The following SEC14L2 variants were observed in gnomAD, a reference collection of about 807,000 sequenced individuals.
The protein encoded by SEC14L2 is SEC14-like protein 2.
Under a neutral mutation model 56.9 loss-of-function variants are expected in SEC14L2, and 50 were observed. The observed-to-expected ratio is 0.88, with a 90% CI of 0.70 to 1.11. The LOEUF (loss-of-function observed/expected upper bound fraction) is 1.11, where lower values mean the gene tolerates loss of function less well. SEC14L2 is among the 50% of genes most tolerant of loss of function. The probability of loss-of-function intolerance (pLI) is 0.00; values close to 1 mark genes in which losing one functional copy is unlikely to be tolerated. For synonymous variants in SEC14L2, 179 were observed against 188.5 expected, an observed-to-expected ratio of 0.95 and a Z score of 0.41; for missense variants, 414 against 500.7, an observed-to-expected ratio of 0.83 and a Z score of 1.65.
intron 3 of SEC14L2, among the ~76,000 whole-genome samples, chr22:30,406,611 A>G (rs1934101415): frequency 6.6e-6 from 1 of 152,158 alleles, no homozygotes; most frequent in African/African-American, 2.4e-5. Flanking sequence ...TAAGACCTCT[A>G]AAACAGGCAG....
At chr22:30,417,909 T>C (rs1934427755) in intron 11 of SEC14L2, among the ~76,000 whole-genome samples, 1 of 151,966 alleles carries the variant, frequency 6.6e-6, no homozygotes, top group South Asian at 2.1e-4. Context: ...AGATGCTCTG[T>C]GGTACCATAT....
chr22:30,410,262 CA>C (rs574829034), intron 7 of SEC14L2, among the ~76,000 whole-genome samples: 29 of 152,132 alleles, frequency 1.9e-4, no homozygotes, highest in Admixed American at 5.2e-4. Flanking sequence ...GACTCTGTCT[CA>C]AAAAAATAAA....
At chr22:30,411,841 G>A (rs117348257) in intron 8 of SEC14L2, among the ~76,000 whole-genome samples, 243 of 151,358 alleles carry the variant, frequency 1.6e-3, no homozygotes, top group Non-Finnish European at 2.5e-3. Flanking sequence ...TAAATGTACA[G>A]AAGGGGAAAC....
chr22:30,422,423 C>A lies in SEC14L2; in HGVS notation c.*16C>A, dbSNP rs1475202369. ...CCCGAAATAACACCTTCTCCTATAG[C>A]AGGCCTGGCCCCCTCAGTGTCTCCC... is the stretch of plus-strand genomic sequence containing the variant. On this transcript the variant is annotated 3_prime_UTR_variant, in exon 12 of 12. Transcript: ENST00000615189. 1 of 1,613,914 alleles carries A rather than the reference C, an allele frequency of 6.2e-7. No individual in the cohort carries two copies. The highest frequency in any genetic ancestry group is 1.7e-5 in the Admixed American group (1 of 60,024).
At chr22:30,403,563 G>C (rs1389501254) in intron 2 of SEC14L2, among the ~76,000 whole-genome samples, 1 of 152,204 alleles carries the variant, frequency 6.6e-6, no homozygotes, top group Non-Finnish European at 1.5e-5. Context: ...GGAGGCCTCA[G>C]GTGTGGTACT....
Position 30,416,339 on chromosome 22 carries a change from C to T in SEC14L2, c.1017C>T (p.Asn339=), listed in dbSNP as rs1214694563. Residue 339 remains asparagine (N), a synonymous_variant, in exon 11 of 12, where the codon AAC becomes AAT. Coordinates refer to ENST00000615189, the MANE Select transcript of SEC14L2 (RefSeq NM_012429.5). ...GGGAGATGACAGAGGTGCTGCCCAACCAGAGGTACAACTCCCACCTGGTCC... is the reference window on the plus strand; with the variant it reads ...GGGAGATGACAGAGGTGCTGCCCAATCAGAGGTACAACTCCCACCTGGTCC... ...RAGEMTEVLP[N]QRYNSHLVPE... is the part of the protein sequence containing the mutation. 2.5e-6 allele frequency: 4 copies of T among 1,614,244 alleles called. No homozygotes were observed. Among genetic ancestry groups the T allele is most frequent in the Admixed American group, 1.7e-5 (1 of 60,030 alleles).
chr22:30,407,721 T>TC (rs2146021640), intron 5 of SEC14L2, 118 bp downstream of exon 5: 1 of 948,860 alleles, frequency 1.1e-6, no homozygotes, highest in East Asian at 2.9e-5. Context: ...GCCTTTTTTT[T>TC]TTTTTTTTTA....
intron 1 of SEC14L2, among the ~76,000 whole-genome samples, chr22:30,399,114 C>T (rs780174064): frequency 6.6e-5 from 10 of 152,150 alleles, no homozygotes; most frequent in Non-Finnish European, 1.3e-4. Context: ...GGGGCAGTGT[C>T]TCACTCCCTT....
chr22:30,424,583 T>C lies in SEC14L2; in HGVS notation c.*2176T>C, dbSNP rs1201469769. 1.0e-5 allele frequency: 4 copies of C among 390,210 alleles called. No homozygotes were observed. Among genetic ancestry groups the C allele is most frequent in the Non-Finnish European group, 2.0e-5 (4 of 197,694 alleles). 24.2% of individuals were successfully genotyped at this position (390,210 alleles called of 1,614,324 possible). On this transcript the variant is annotated 3_prime_UTR_variant, in exon 12 of 12. Coordinates refer to ENST00000615189, the MANE Select transcript of SEC14L2 (RefSeq NM_012429.5). ...ATTACACTTTGGGTTGTTGCAAAGA[T>C]TAAAGGAAATAAGCCGTGCAAAGCG...
At position 30,409,425 on chromosome 22, in the gene SEC14L2, GT is replaced by G. The variant is rs770281469; in HGVS notation, c.522del (p.Leu175SerfsTer12). 2.5e-6 allele frequency: 4 copies of G among 1,614,170 alleles called. No individual in the cohort carries two copies. The highest frequency in any genetic ancestry group is 3.4e-6 in the Non-Finnish European group (4 of 1,179,988). On this transcript the variant is annotated frameshift_variant and splice_region_variant, in exon 7 of 12. Coordinates refer to ENST00000615189, the MANE Select transcript of SEC14L2 (RefSeq NM_012429.5). LOFTEE classifies it high-confidence loss of function. The stretch of plus-strand genomic sequence containing the variant: ...AATCAAGAGTGATTTTGTTTCCACA[GT>G]TTCTCTGCATGTTTGAGGAAAATTA... ...WKPAVEAYGE[F>X]LCMFEENYPE... is the part of the protein sequence containing the mutation.
intron 1 of SEC14L2, chr22:30,397,756 C>T (rs1933797430): frequency 2.3e-6 from 1 of 433,060 alleles, no homozygotes; most frequent in South Asian, 1.7e-5. Context: ...CAGGCTCCCC[C>T]CATGAGGCAC....
chr22:30,407,610 G>T lies in SEC14L2; in HGVS notation c.423+7G>T, dbSNP rs767491995. On this transcript the variant is annotated splice_region_variant and intron_variant, in intron 5 of 11. Coordinates refer to ENST00000615189, the MANE Select transcript of SEC14L2 (RefSeq NM_012429.5). ...TGCCCACCAGACCACAAAGGTGAGT[G>T]GACCACCATGGCTAGAAATGAGTTG... 6.2e-7 allele frequency: 1 copy of T among 1,610,838 alleles called. No individual in the cohort carries two copies. The highest frequency in any genetic ancestry group is 1.7e-5 in the Admixed American group (1 of 59,974).
At position 30,409,427 on chromosome 22, in the gene SEC14L2, T is replaced by C. The variant is rs751420678; in HGVS notation, c.521T>C (p.Phe174Ser). 27 of 1,614,204 alleles carry C rather than the reference T, an allele frequency of 1.7e-5. No homozygotes were observed. In the South Asian group the frequency reaches 2.6e-4, roughly 16 times the overall value. Residue 174 changes from phenylalanine to serine, a missense_variant and splice_region_variant, in exon 7 of 12, where the codon TTT becomes TCT. By Grantham distance (155) the Phe-to-Ser change is radical (BLOSUM62 -2). Transcript: ENST00000615189. ...TCAAGAGTGATTTTGTTTCCACAGT[T>C]TCTCTGCATGTTTGAGGAAAATTAT... ...WKPAVEAYGE[F>S]LCMFEENYPE...
At chr22:30,412,387 C>CA (rs1290094008) in intron 8 of SEC14L2, among the ~76,000 whole-genome samples, 1 of 150,460 alleles carries the variant, frequency 6.6e-6, no homozygotes. Context: ...TTTTTTGAGA[C>CA]AGAGTCTCTG....
chr22:30,411,065 C>G (rs1452041128), intron 8 of SEC14L2, among the ~76,000 whole-genome samples: 1 of 151,990 alleles, frequency 6.6e-6, no homozygotes, highest in Non-Finnish European at 1.5e-5. Flanking sequence ...GAGCTCAAGA[C>G]CAGCCTGGGC....
intron 2 of SEC14L2, among the ~76,000 whole-genome samples, chr22:30,401,872 A>G (rs1440527072): frequency 6.6e-6 from 1 of 152,086 alleles, no homozygotes; most frequent in African/African-American, 2.4e-5. Flanking sequence ...GCCTACAGGT[A>G]CACACCACTG....
At chr22:30,417,888 C>A (rs1934427457) in intron 11 of SEC14L2, among the ~76,000 whole-genome samples, 1 of 151,950 alleles carries the variant, frequency 6.6e-6, no homozygotes, top group South Asian at 2.1e-4. Context: ...TCTCCACTGC[C>A]CCCTCCTCAC....
chr22:30,415,703 C>T (rs1031532489), intron 8 of SEC14L2, 56 bp from the exon 9 acceptor site: 25 of 1,501,584 alleles, frequency 1.7e-5, no homozygotes, highest in Admixed American at 7.0e-5. Context: ...AGGGTTATGG[C>T]GAAATCTTAC....
intron 8 of SEC14L2, among the ~76,000 whole-genome samples, chr22:30,412,484 T>C (rs138261422): frequency 1.2e-3 from 177 of 151,822 alleles, no homozygotes; most frequent in African/African-American, 4.1e-3. Flanking sequence ...AATCGGGGAA[T>C]TGGCAACAGG....
Sources: gnomAD v4.1 joint callset for allele counts (sites outside exome capture counted in the v4.1 genomes callset) on GRCh38, gnomAD v4.1.1 for gene constraint, MANE v1.5 for transcripts, NCBI Gene and HGNC (gene_info 2026-07-23, HGNC 2026-07-21) for gene names.